Variants in RANBP10 observed in about 807,000 individuals in gnomAD.
RANBP10 encodes ran-binding protein 10.
In RANBP10, 24 loss-of-function variants were observed where a neutral mutation model predicts 72.8. The observed-to-expected ratio is 0.33, with a 90% CI of 0.24 to 0.46. RANBP10 has a LOEUF of 0.46. RANBP10 is among the 20% of genes least tolerant of loss of function. The pLI is 1.00. For synonymous variants in RANBP10, 310 were observed against 322.3 expected, an observed-to-expected ratio of 0.96 and a Z score of 0.41; for missense variants, 679 against 817.5, an observed-to-expected ratio of 0.83 and a Z score of 2.07.
At chr16:67,746,095 G>A (rs1248440713) in intron 3 of RANBP10, among the ~76,000 whole-genome samples, 1 of 151,888 alleles carries the variant, frequency 6.6e-6, no homozygotes, top group Non-Finnish European at 1.5e-5. Flanking sequence ...GGCGGAGGTT[G>A]CAGTGAGCCG....
At chr16:67,755,368 G>T (rs2054267979) in intron 3 of RANBP10, among the ~76,000 whole-genome samples, 1 of 152,152 alleles carries the variant, frequency 6.6e-6, no homozygotes, top group Non-Finnish European at 1.5e-5. Flanking sequence ...GTCTCAGAGG[G>T]GACTGGGATG....
chr16:67,803,830 T>TTAA (rs1389384322), intron 2 of RANBP10, among the ~76,000 whole-genome samples: 3 of 91,602 alleles, frequency 3.3e-5, no homozygotes, highest in African/African-American at 7.7e-5. Context: ...CCCATCTCAT[T>TTAA]AAAAAAAAAA....
chr16:67,767,887 C>T (rs1026358439), intron 3 of RANBP10, among the ~76,000 whole-genome samples: 3 of 152,008 alleles, frequency 2.0e-5, no homozygotes, highest in African/African-American at 2.4e-5. Context: ...TGAGCCACCG[C>T]GCCCTGCCTC....
At chr16:67,771,368 C>T (rs1240157888) in intron 3 of RANBP10, among the ~76,000 whole-genome samples, 7 of 150,742 alleles carry the variant, frequency 4.6e-5, no homozygotes, top group East Asian at 3.9e-4. Flanking sequence ...TTTTTTGAGA[C>T]GGAATCTCAC....
chr16:67,803,850 A>G lies in RANBP10; in HGVS notation c.347+1578T>C, dbSNP rs8048387. On this transcript the variant is annotated intron_variant, in intron 2 of 13. Transcript: ENST00000317506. Reference sequence around the variant, plus strand: ...CTCATTAAAAAAAAAAAAAAAAAAAAAGAGAGAGAGAGAGAAAGATACAGC... The same window carrying G: ...CTCATTAAAAAAAAAAAAAAAAAAAGAGAGAGAGAGAGAGAAAGATACAGC... 1.0e-3 allele frequency among the ~76,000 whole-genome samples: 153 copies of G among 148,914 alleles called. 1 individual carries two copies. The highest frequency in any genetic ancestry group is 8.1e-4 in the Admixed American group (12 of 14,826).
At position 67,784,000 on chromosome 16, in the gene RANBP10, G is replaced by A. The variant is rs145692056; in HGVS notation, c.348-11914C>T. Reference sequence around the variant, plus strand: ...GGAGGTTGCAGTGAGCCAAGATGGCGCCACTGCACTCCAGCCTGAGTGACA... The same window carrying A: ...GGAGGTTGCAGTGAGCCAAGATGGCACCACTGCACTCCAGCCTGAGTGACA... On this transcript the variant is annotated intron_variant, in intron 2 of 13. Transcript: ENST00000317506. 5.4e-3 allele frequency among the ~76,000 whole-genome samples: 767 copies of A among 142,090 alleles called. 21 individuals carry two copies. The highest frequency in any genetic ancestry group is 0.042 in the East Asian group (201 of 4,760). 93.2% of individuals were successfully genotyped at this position (142,090 alleles called of 152,430 possible).
chr16:67,787,317 T>C (rs1043163516), intron 2 of RANBP10, among the ~76,000 whole-genome samples: 1 of 151,630 alleles, frequency 6.6e-6, no homozygotes, highest in Non-Finnish European at 1.5e-5. Context: ...GCTCAGGAGT[T>C]CAAGACCAGA....
chr16:67,726,303 G>T lies in RANBP10; in HGVS notation c.*125C>A, dbSNP rs2053597115. ...AGGAAGGAAAGGGAGAGGGGGAAAG[G>T]CCAGGCAGGAGGAGTGGACTCTGTC... is the stretch of plus-strand genomic sequence containing the variant. On this transcript the variant is annotated 3_prime_UTR_variant, in exon 14 of 14. Transcript: ENST00000317506. 7.1e-7 allele frequency: 1 copy of T among 1,414,508 alleles called. No individual in the cohort carries two copies. Among genetic ancestry groups the T allele is most frequent in the African/African-American group, 1.4e-5 (1 of 70,902 alleles). 87.6% of individuals were successfully genotyped at this position (1,414,508 alleles called of 1,614,324 possible). A position where few individuals can be genotyped will look rare whatever the true frequency, so the allele number is the denominator to read the frequency against.
At chr16:67,779,677 G>A (rs1281166471) in intron 2 of RANBP10, among the ~76,000 whole-genome samples, 1 of 152,134 alleles carries the variant, frequency 6.6e-6, no homozygotes, top group Non-Finnish European at 1.5e-5. Context: ...AAAAACAGGT[G>A]TGATAAATTT....
chr16:67,798,238 T>C (rs1158524799), intron 2 of RANBP10, among the ~76,000 whole-genome samples: 1 of 152,050 alleles, frequency 6.6e-6, no homozygotes, highest in East Asian at 1.9e-4. Context: ...GTACCTACCT[T>C]GGGCAAGGAC....
chr16:67,801,583 T>G (rs1039161340), intron 2 of RANBP10, among the ~76,000 whole-genome samples: 4 of 152,046 alleles, frequency 2.6e-5, no homozygotes, highest in African/African-American at 9.7e-5. Flanking sequence ...AGGATCAAAC[T>G]AGGTAACACA....
At chr16:67,767,810 A>G (rs1233704521) in intron 3 of RANBP10, among the ~76,000 whole-genome samples, 2 of 151,942 alleles carry the variant, frequency 1.3e-5, no homozygotes, top group Admixed American at 6.6e-5. Flanking sequence ...GTTAGCCAGG[A>G]TGGTCTTGAT....
intron 3 of RANBP10, among the ~76,000 whole-genome samples, chr16:67,752,405 C>T (rs1375327201): frequency 2.0e-5 from 3 of 152,152 alleles, no homozygotes; most frequent in Non-Finnish European, 2.9e-5. Context: ...AATGAATTCT[C>T]CCCTAGGGCC....
At chr16:67,806,200 G>A in intron 1 of RANBP10, 102 bp downstream of exon 1, 1 of 1,151,898 alleles carries the variant, frequency 8.7e-7, no homozygotes, top group South Asian at 1.6e-5. Flanking sequence ...CTAACTTGGA[G>A]CACCTAGGCA....
chr16:67,794,324 G>A (rs185094574), intron 2 of RANBP10, among the ~76,000 whole-genome samples: 1 of 151,848 alleles, frequency 6.6e-6, no homozygotes, highest in Admixed American at 6.6e-5. Context: ...TGTAACCTCA[G>A]CTCTCAGGAG....
chr16:67,796,586 G>A (rs774565872), intron 2 of RANBP10, among the ~76,000 whole-genome samples: 3 of 152,144 alleles, frequency 2.0e-5, no homozygotes, highest in Non-Finnish European at 2.9e-5. Flanking sequence ...GCTCTGTCTG[G>A]ACAAGAACAA....
At chr16:67,740,543 T>C (rs2053949721) in intron 4 of RANBP10, among the ~76,000 whole-genome samples, 1 of 151,728 alleles carries the variant, frequency 6.6e-6, no homozygotes, top group Non-Finnish European at 1.5e-5. Flanking sequence ...TAGAACAGGG[T>C]CTATTCTATT....
At chr16:67,791,657 CA>C (rs1357319365) in intron 2 of RANBP10, among the ~76,000 whole-genome samples, 1 of 152,162 alleles carries the variant, frequency 6.6e-6, no homozygotes, top group Non-Finnish European at 1.5e-5. Flanking sequence ...TTCATCTTGA[CA>C]TCTAATACCT....
chr16:67,788,546 G>A (rs1001604704), intron 2 of RANBP10, among the ~76,000 whole-genome samples: 1 of 149,198 alleles, frequency 6.7e-6, no homozygotes, highest in African/African-American at 2.5e-5. Flanking sequence ...GTGAGCCAGC[G>A]CGCCCAGCCC....
Sources: allele counts gnomAD v4.1 joint callset (sites outside exome capture counted in the v4.1 genomes callset), GRCh38; gene constraint gnomAD v4.1.1; transcripts MANE v1.5; gene names NCBI Gene and HGNC (gene_info 2026-07-23, HGNC 2026-07-21).